Variants in MTAP observed in about 807,000 individuals in gnomAD.
MTAP encodes the protein methylthioadenosine phosphorylase.
MTAP carries 33 observed loss-of-function variants against 33.6 expected under a neutral mutation model. The ratio of observed to expected loss-of-function variants is 0.98; its 90% CI spans 0.74 to 1.31. The LOEUF is 1.31. Ranked by LOEUF, MTAP falls within the 40% of genes most tolerant of loss-of-function variation. MTAP has a pLI of 0.00. For synonymous variants in MTAP, 148 were observed against 125.7 expected (o/e 1.18, Z -1.19); for missense variants, 367 against 360.0 (o/e 1.02, Z -0.16).
intron 5 of MTAP, among the ~76,000 whole-genome samples, chr9:21,848,775 TA>T (rs1470650211): frequency 3.9e-5 from 6 of 152,174 alleles, no homozygotes; most frequent in Non-Finnish European, 7.3e-5. Flanking sequence ...CTAACTGTGG[TA>T]ATGTCAGATC....
At chr9:21,833,893 CT>C (rs1825035755) in intron 4 of MTAP, among the ~76,000 whole-genome samples, 1 of 152,186 alleles carries the variant, frequency 6.6e-6, no homozygotes, top group Non-Finnish European at 1.5e-5. Context: ...TATTTCTAGG[CT>C]TTTCTCCCTC....
chr9:21,812,786 G>A (rs749709318), intron 1 of MTAP, among the ~76,000 whole-genome samples: 11 of 152,236 alleles, frequency 7.2e-5, no homozygotes, highest in Non-Finnish European at 1.0e-4. Flanking sequence ...AAGGTATAAT[G>A]TTATGGAGGA....
intron 5 of MTAP, among the ~76,000 whole-genome samples, chr9:21,844,492 C>T (rs190188473): frequency 6.6e-6 from 1 of 152,278 alleles, no homozygotes; most frequent in East Asian, 1.9e-4. Flanking sequence ...AAATTACTAG[C>T]TAACCAAATC....
At chr9:21,879,097 T>C (rs971423500) in intron 1 of MTAP, among the ~76,000 whole-genome samples, 1 of 152,156 alleles carries the variant, frequency 6.6e-6, no homozygotes, top group African/African-American at 2.4e-5. Flanking sequence ...TGAGTTCAGG[T>C]CCTGAATATG....
chr9:21,868,443 A>G (rs905856518), downstream of MTAP, among the ~76,000 whole-genome samples: 1 of 152,206 alleles, frequency 6.6e-6, no homozygotes, highest in African/African-American at 2.4e-5. Flanking sequence ...CTTAGGAGAA[A>G]GCCTTCAATG....
chr9:21,828,306 A>G (rs1320965842), intron 4 of MTAP, among the ~76,000 whole-genome samples: 3 of 152,142 alleles, frequency 2.0e-5, no homozygotes, highest in African/African-American at 7.2e-5. Flanking sequence ...CATTATTGAG[A>G]GTGTGTGCAT....
chr9:21,865,249 TTTCC>T lies in MTAP; in HGVS notation c.*3236_*3239del, dbSNP rs1825834706. 2.2e-6 allele frequency: 1 copy of T among 449,428 alleles called. No individual in the cohort carries two copies. The highest frequency in any genetic ancestry group is 2.9e-6 in the Non-Finnish European group (1 of 340,260). 27.8% of individuals were successfully genotyped at this position (449,428 alleles called of 1,614,324 possible). A position where few individuals can be genotyped will look rare whatever the true frequency, so the allele number is the denominator to read the frequency against. Reference sequence around the variant, plus strand: ...AGTCCTGTTTGTTTTATAAGGGGCTTTTCCCCCTTTTGCTCAACACTTCTTCCTG... The same window carrying T: ...AGTCCTGTTTGTTTTATAAGGGGCTTCCCTTTTGCTCAACACTTCTTCCTG... On this transcript the variant is annotated 3_prime_UTR_variant, in exon 8 of 8. Coordinates refer to ENST00000644715, the MANE Select transcript of MTAP (RefSeq NM_002451.4).
intron 4 of MTAP, among the ~76,000 whole-genome samples, chr9:21,826,930 G>C (rs1208931215): frequency 1.3e-5 from 2 of 152,114 alleles, no homozygotes; most frequent in Non-Finnish European, 2.9e-5. Flanking sequence ...GAACCCAATT[G>C]TGAACTGCAC....
chr9:21,915,796 G>A (rs1176661765), intron 1 of MTAP, among the ~76,000 whole-genome samples: 4 of 152,100 alleles, frequency 2.6e-5, no homozygotes, highest in African/African-American at 7.2e-5. Flanking sequence ...TTGGGAGGCC[G>A]ACACAGGAGG....
At chr9:21,821,637 C>T (rs1408860293) in intron 4 of MTAP, among the ~76,000 whole-genome samples, 3 of 152,106 alleles carry the variant, frequency 2.0e-5, no homozygotes, top group Non-Finnish European at 4.4e-5. Context: ...ATGCTGGCCT[C>T]ATAAAATGAG....
At chr9:21,868,009 A>G (rs553846061), downstream of MTAP, among the ~76,000 whole-genome samples, 36 of 152,198 alleles carry the variant, frequency 2.4e-4, no homozygotes, top group Non-Finnish European at 4.7e-4. Context: ...TCAAAAATAC[A>G]TAGAGTAAAA....
chr9:21,830,484 A>G (rs1262536958), intron 4 of MTAP, among the ~76,000 whole-genome samples: 3 of 152,186 alleles, frequency 2.0e-5, no homozygotes, highest in Non-Finnish European at 4.4e-5. Flanking sequence ...CACTGAGGGT[A>G]AAAGATGGTT....
intron 1 of MTAP, among the ~76,000 whole-genome samples, chr9:21,902,995 A>T (rs1818416615): frequency 6.6e-6 from 1 of 152,264 alleles, no homozygotes; most frequent in Non-Finnish European, 1.5e-5. Context: ...TGTAAACATT[A>T]TAAAAAGGCA....
intron 4 of MTAP, among the ~76,000 whole-genome samples, chr9:21,824,275 G>C (rs891714777): frequency 1.3e-5 from 2 of 152,122 alleles, no homozygotes; most frequent in African/African-American, 4.8e-5. Context: ...TACAGATGTG[G>C]TTTTGGTGTG....
downstream of MTAP, chr9:21,935,057 A>T (rs1819021179): frequency 6.6e-6 from 1 of 152,160 alleles, no homozygotes; most frequent in Non-Finnish European, 1.5e-5. Context: ...TATGCTGTAA[A>T]AATTGTTAAT....
chr9:21,878,381 C>G (rs1380672492), intron 1 of MTAP, among the ~76,000 whole-genome samples: 1 of 151,864 alleles, frequency 6.6e-6, no homozygotes, highest in Non-Finnish European at 1.5e-5. Flanking sequence ...TTGGTAATTT[C>G]TTGTTTTCTG....
At chr9:21,877,692 A>C (rs1180624425) in intron 1 of MTAP, among the ~76,000 whole-genome samples, 1 of 152,200 alleles carries the variant, frequency 6.6e-6, no homozygotes, top group East Asian at 1.9e-4. Flanking sequence ...CCAACCTTGC[A>C]TCCCAATAAT....
intron 5 of MTAP, among the ~76,000 whole-genome samples, chr9:21,844,578 G>A (rs1563843720): frequency 6.6e-6 from 1 of 152,052 alleles, no homozygotes. Flanking sequence ...GTTTAACATA[G>A]GCAAGTCAAT....
At chr9:21,843,707 A>C (rs1024301916) in intron 5 of MTAP, among the ~76,000 whole-genome samples, 1 of 152,208 alleles carries the variant, frequency 6.6e-6, no homozygotes, top group Non-Finnish European at 1.5e-5. Context: ...GAATGATTAT[A>C]GTGACACAAC....
Sources: gnomAD v4.1 joint callset for allele counts (sites outside exome capture counted in the v4.1 genomes callset) on GRCh38, gnomAD v4.1.1 for gene constraint, MANE v1.5 for transcripts, NCBI Gene and HGNC (gene_info 2026-07-23, HGNC 2026-07-21) for gene names.